THTPA: variants seen among roughly 807,000 people sequenced by gnomAD.
THTPA encodes thiamine-triphosphatase.
Under a neutral mutation model 16.5 loss-of-function variants are expected in THTPA, and 16 were observed. The observed-to-expected ratio is 0.97, with a 90% CI of 0.66 to 1.47. The LOEUF (loss-of-function observed/expected upper bound fraction) is 1.47. Among genes scored for constraint, THTPA ranks in the 40% most tolerant of loss-of-function variants. The pLI is 0.00. For synonymous variants in THTPA, 110 were observed against 115.5 expected (o/e 0.95, Z 0.30); for missense variants, 281 against 280.9 (o/e 1.00, Z 0.00).
chr14:23,549,554 G>A, the THTPA span, among the ~76,000 whole-genome samples: 117 of 152,144 alleles, frequency 7.7e-4, 3 homozygotes, highest in East Asian at 0.018. Flanking sequence ...AAAAAAAAAT[G>A]GTGCTGGATC....
the THTPA span, among the ~76,000 whole-genome samples, chr14:23,545,882 G>A: frequency 6.6e-6 from 1 of 152,228 alleles, no homozygotes; most frequent in South Asian, 2.1e-4. Flanking sequence ...TCTGAGGATG[G>A]AAATGGCGTT....
Position 23,558,788 on chromosome 14 carries a change from G to C in THTPA, c.641G>C (p.Ser214Thr). The C allele has an allele frequency of 6.2e-7, 1 of 1,614,214 alleles. No homozygotes were observed. Among genetic ancestry groups the C allele is most frequent in the African/African-American group, 1.3e-5 (1 of 75,054 alleles). The change falls in exon 2 of 2, where the codon AGC becomes ACC. Residue 214 changes from serine to threonine, a missense_variant. Transcript: ENST00000288014. The stretch of plus-strand genomic sequence containing the variant: ...TATCAGCGCCTGCTAGAAGTGAACA[G>C]CTCCAGAGAGAGGCCACAGGAGACT... ...QDYQRLLEVN[S>T]SRERPQETED... is the part of the protein sequence containing the mutation.
At chr14:23,543,191 C>T in the THTPA span, 2 of 152,220 alleles carry the variant, frequency 1.3e-5, no homozygotes, top group African/African-American at 4.8e-5. Flanking sequence ...GGCCAGGCAC[C>T]GTGCTAGGCC....
At chr14:23,545,338 C>T in the THTPA span, among the ~76,000 whole-genome samples, 3 of 152,226 alleles carry the variant, frequency 2.0e-5, no homozygotes, top group South Asian at 4.1e-4. Flanking sequence ...CACAACCACT[C>T]GTCCGCCCTC....
chr14:23,525,751 TGGA>T, the THTPA span: 1 of 1,507,226 alleles, frequency 6.6e-7, no homozygotes, highest in East Asian at 2.5e-5. The surrounding 1 kb of genome is among the most constrained non-coding windows in gnomAD (Gnocchi z 5.9). Context: ...GAGGTTGGGG[TGGA>T]GGAGGAGGGG....
At chr14:23,535,698 T>C in the THTPA span, among the ~76,000 whole-genome samples, 1 of 152,148 alleles carries the variant, frequency 6.6e-6, no homozygotes, top group African/African-American at 2.4e-5. This position sits in a 1 kb window ranked among gnomAD's most constrained non-coding sequence, Gnocchi z 4.5. Flanking sequence ...GTTCAAGTGA[T>C]TCTCCTGCCT....
At chr14:23,548,115 ACACTTT>A in the THTPA span, among the ~76,000 whole-genome samples, 1 of 152,126 alleles carries the variant, frequency 6.6e-6, no homozygotes, top group Non-Finnish European at 1.5e-5. Context: ...CAAAGCCATT[ACACTTT>A]CAACAACTCT....
the THTPA span, chr14:23,521,911 TAA>T: frequency 2.0e-6 from 3 of 1,531,442 alleles, no homozygotes; most frequent in Non-Finnish European, 2.6e-6. Flanking sequence ...CCCCTTGGGG[TAA>T]AAGAGGGAGC....
the THTPA span, among the ~76,000 whole-genome samples, chr14:23,519,070 T>TA: frequency 6.6e-6 from 1 of 152,138 alleles, no homozygotes; most frequent in South Asian, 2.1e-4. Flanking sequence ...TACAGTTGCT[T>TA]AGAGTCAGCT....
the THTPA span, chr14:23,523,470 A>G: frequency 6.5e-7 from 1 of 1,536,194 alleles, no homozygotes; most frequent in East Asian, 2.4e-5. This position sits in a 1 kb window ranked among gnomAD's most constrained non-coding sequence, Gnocchi z 4.1. Context: ...CAGGAGACAT[A>G]GAAATCATAC....
the THTPA span, chr14:23,526,612 C>T: frequency 6.5e-7 from 1 of 1,535,812 alleles, no homozygotes; most frequent in Non-Finnish European, 8.7e-7. Flanking sequence ...TGTCTGGGAC[C>T]TCAACTGAGG....
At chr14:23,516,687 G>T in the THTPA span, among the ~76,000 whole-genome samples, 1 of 152,188 alleles carries the variant, frequency 6.6e-6, no homozygotes. Context: ...CTGGAGGCAG[G>T]CCTGGGTCCC....
At chr14:23,558,322 G>C (rs2139002377) in intron 1 of THTPA, among the ~76,000 whole-genome samples, 1 of 152,346 alleles carries the variant, frequency 6.6e-6, no homozygotes, top group Non-Finnish European at 1.5e-5. Flanking sequence ...TCATTACTAA[G>C]CTAATGAGCT....
upstream of THTPA, chr14:23,555,918 T>C (rs1420383771): frequency 3.3e-5 from 5 of 152,342 alleles, no homozygotes; most frequent in South Asian, 1.0e-3. Context: ...AGGCACCAAG[T>C]GCAGCTTTCC....
the THTPA span, among the ~76,000 whole-genome samples, chr14:23,542,529 A>T: frequency 6.6e-6 from 1 of 152,036 alleles, no homozygotes; most frequent in Non-Finnish European, 1.5e-5. Context: ...GATCTATGTG[A>T]TTTTATAGTA....
chr14:23,527,052 C>T, the THTPA span: 4 of 1,416,782 alleles, frequency 2.8e-6, no homozygotes, highest in South Asian at 6.4e-5. Flanking sequence ...CTGCCCTACA[C>T]CTGTACTTGT....
chr14:23,522,763 C>T, the THTPA span: 8 of 1,536,288 alleles, frequency 5.2e-6, 1 homozygote, highest in Admixed American at 5.9e-5. Flanking sequence ...AGACCTTGTC[C>T]CCCAAGGGCT....
At chr14:23,537,657 A>T in the THTPA span, among the ~76,000 whole-genome samples, 15 of 152,084 alleles carry the variant, frequency 9.9e-5, no homozygotes, top group African/African-American at 3.6e-4. Flanking sequence ...AGGTCGGGGG[A>T]GTTGGAGAAC....
At chr14:23,520,686 A>AG in the THTPA span, among the ~76,000 whole-genome samples, 3 of 150,868 alleles carry the variant, frequency 2.0e-5, no homozygotes, top group African/African-American at 7.3e-5. This position sits in a 1 kb window ranked among gnomAD's most constrained non-coding sequence, Gnocchi z 8.7. Flanking sequence ...TGCGCATAGC[A>AG]GGGGAGGGCT....
Sources: allele counts gnomAD v4.1 joint callset (sites outside exome capture counted in the v4.1 genomes callset), GRCh38; gene constraint gnomAD v4.1.1; non-coding constraint Gnocchi (gnomAD v3.1); transcripts MANE v1.5; gene names NCBI Gene and HGNC (gene_info 2026-07-23, HGNC 2026-07-21).